EEF2: variants seen among roughly 807,000 people sequenced by gnomAD.
EEF2 encodes the protein elongation factor 2.
A neutral mutation model predicts 85.3 loss-of-function variants in EEF2; 21 were observed. The observed-to-expected ratio is 0.25, with a 90% CI of 0.17 to 0.35. The LOEUF (loss-of-function observed/expected upper bound fraction) is 0.35, where lower values mean the gene tolerates loss of function less well. Ranked by LOEUF, EEF2 falls within the 10% of genes least tolerant of loss-of-function variation. The pLI is 1.00. For synonymous variants in EEF2, 723 were observed against 508.8 expected (o/e 1.42, Z -5.67); for missense variants, 825 against 1,225.3 (o/e 0.67, Z 4.88).
At position 3,977,362 on chromosome 19, in the gene EEF2, AG is replaced by A; in HGVS notation, c.2251-16del. The A allele has an allele frequency of 6.3e-7, 1 of 1,591,282 alleles. No homozygotes were observed. Among genetic ancestry groups the A allele is most frequent in the Non-Finnish European group, 8.6e-7 (1 of 1,169,302 alleles). ...TGCTCTGGACACTGCCAGAAGGGAA[AG>A]AAAACCTGTCAGTGGCCGCTGGGCA... On this transcript the variant is annotated splice_polypyrimidine_tract_variant and intron_variant, in intron 13 of 14. Transcript: ENST00000309311. The surrounding 1 kb of genome is among the most constrained non-coding windows in gnomAD (Gnocchi z 5.4).
chr19:3,978,788 G>A (rs554703525), intron 11 of EEF2, among the ~76,000 whole-genome samples: 5 of 101,230 alleles, frequency 4.9e-5, no homozygotes, highest in African/African-American at 1.9e-4. Flanking sequence ...AAGCAACAGA[G>A]CAAGACTCTT....
rs745636304 is a variant in EEF2, at chr19:3,982,816, G to C, written c.603C>G (p.Gly201=). The change falls in exon 4 of 15, where the codon GGC becomes GGG. Residue 201 remains glycine (G), a synonymous_variant. Coordinates refer to ENST00000309311, the MANE Select transcript of EEF2 (RefSeq NM_001961.4). ...CTAGGGAGGGCCGTACCATGATGTTGCCCATGGGGCCGCTCTCGCCCTCGC... is the reference window on the plus strand; with the variant it reads ...CTAGGGAGGGCCGTACCATGATGTTCCCCATGGGGCCGCTCTCGCCCTCGC... The part of the protein sequence containing the change: ...TYGEGESGPM[G]NIMIDPVLGT... 3.7e-6 allele frequency: 6 copies of C among 1,610,716 alleles called. No homozygotes were observed. Among genetic ancestry groups the C allele is most frequent in the Non-Finnish European group, 4.2e-6 (5 of 1,179,098 alleles).
rs2039687780 is a variant in EEF2, at chr19:3,977,081, A to G, written c.2383+134T>C. 1 of 1,333,292 alleles carries G rather than the reference A, an allele frequency of 7.5e-7. No individual in the cohort carries two copies. The highest frequency in any genetic ancestry group is 1.0e-6 in the Non-Finnish European group (1 of 988,968). 82.6% of individuals were successfully genotyped at this position (1,333,292 alleles called of 1,614,324 possible). On this transcript the variant is annotated intron_variant, in intron 14 of 14. Transcript: ENST00000309311. The surrounding 1 kb of genome is among the most constrained non-coding windows in gnomAD (Gnocchi z 5.4). ...TTTAGGGGGTCCACAAGCTGTCAGA[A>G]ACTGGACCACCTGCTCCATCCATCA...
At chr19:3,981,019 C>T in intron 7 of EEF2, 40 bp from the exon 8 acceptor site, 2 of 1,545,314 alleles carry the variant, frequency 1.3e-6, no homozygotes, top group Non-Finnish European at 8.7e-7. Flanking sequence ...ACCTGGGGAG[C>T]CCAGGATGGC....
Position 3,979,337 on chromosome 19 carries a change from G to T in EEF2, c.1705C>A (p.Pro569Thr). The T allele has an allele frequency of 6.2e-7, 1 of 1,613,862 alleles. No homozygotes were observed. Among genetic ancestry groups the T allele is most frequent in the Middle Eastern group, 1.6e-4 (1 of 6,062 alleles). ...GGTCACTGGCGCCTCACCTTGATGGGGATGCAGGCGTGGTCCTCCTCCAGG... is the reference window on the plus strand; with the variant it reads ...GGTCACTGGCGCCTCACCTTGATGGTGATGCAGGCGTGGTCCTCCTCCAGG... ...KDLEEDHACIPIKKSDPVVSY... is the reference protein window; with the variant it reads ...KDLEEDHACITIKKSDPVVSY... Residue 569 changes from proline (P) to threonine (T), a missense_variant, in exon 11 of 15, where the codon CCC (proline) becomes ACC (threonine). Pro to Thr is a conservative substitution (Grantham distance 38, BLOSUM62 -1). Coordinates refer to ENST00000309311, the MANE Select transcript of EEF2 (RefSeq NM_001961.4).
rs747646980 is a variant in EEF2, at chr19:3,981,907, T to C, written c.897+40A>G. 20 of 1,588,158 alleles carry C rather than the reference T, an allele frequency of 1.3e-5. No individual in the cohort carries two copies. In the African/African-American group the frequency reaches 2.0e-4, roughly 16 times the overall value. ...CGGAGCCCACAGGGCCGAGGGCCAA[T>C]AGTCGCATCGGCGGGGTGCCTGGCG... On this transcript the variant is annotated intron_variant, in intron 6 of 14. Coordinates refer to ENST00000309311, the MANE Select transcript of EEF2 (RefSeq NM_001961.4).
chr19:3,983,318 G>A lies in EEF2; in HGVS notation c.219-27C>T, dbSNP rs774589886. Reference sequence around the variant, plus strand: ...TGATGGAGGGAGGGACTCGTCAGGGGGACAGGAGCCACACACCTGGCCCAG... The same window carrying A: ...TGATGGAGGGAGGGACTCGTCAGGGAGACAGGAGCCACACACCTGGCCCAG... On this transcript the variant is annotated intron_variant, in intron 2 of 14. Coordinates refer to ENST00000309311, the MANE Select transcript of EEF2 (RefSeq NM_001961.4). The A allele has an allele frequency of 2.5e-6, 4 of 1,605,522 alleles. No homozygotes were observed. The South Asian group carries it at 4.4e-5, about 18-fold the overall frequency.
intron 1 of EEF2, 73 bp downstream of exon 1, chr19:3,985,305 C>G (rs1568203864): frequency 3.7e-6 from 5 of 1,346,708 alleles, no homozygotes; most frequent in Non-Finnish European, 4.8e-6. Flanking sequence ...CCCCAGCGTC[C>G]CAGGCTAGGC....
intron 7 of EEF2, 149 bp from the exon 8 acceptor site, chr19:3,981,128 T>C (rs1272365422): frequency 7.5e-7 from 1 of 1,325,880 alleles, no homozygotes; most frequent in Non-Finnish European, 1.0e-6. Context: ...GCAAAGGCCA[T>C]GCACACTCCT....
intron 9 of EEF2, 87 bp from the exon 10 acceptor site, chr19:3,980,153 G>C (rs1599193583): frequency 1.3e-6 from 2 of 1,525,400 alleles, no homozygotes; most frequent in East Asian, 4.6e-5. Context: ...CGGAGTTGGT[G>C]GCCCTCCTGC....
intron 9 of EEF2, 49 bp downstream of exon 9, chr19:3,980,465 C>A (rs369100032): frequency 1.0e-5 from 16 of 1,572,982 alleles, no homozygotes; most frequent in South Asian, 8.1e-5. Flanking sequence ...TGGAGCAGGG[C>A]AGGGCCCGCA....
chr19:3,976,478 T>C lies in EEF2; in HGVS notation c.*76A>G. 1 of 1,509,438 alleles carries C rather than the reference T, an allele frequency of 6.6e-7. No homozygotes were observed. The highest frequency in any genetic ancestry group is 8.9e-7 in the Non-Finnish European group (1 of 1,119,860). The allele number at this position is 1,509,438 out of a possible 1,614,324, so 93.5% of individuals were successfully genotyped here. A position where few individuals can be genotyped will look rare whatever the true frequency, so the allele number is the denominator to read the frequency against. On this transcript the variant is annotated 3_prime_UTR_variant, in exon 15 of 15. Transcript: ENST00000309311. ...GCTGTGTCGGGACAGTCTCCAGGTG[T>C]CGTCTGAGAATTCGAGGACGTGGTG...
At position 3,982,319 on chromosome 19, in the gene EEF2, C is replaced by G. The variant is rs1483533062; in HGVS notation, c.718G>C (p.Gly240Arg). 2 of 1,614,170 alleles carry G rather than the reference C, an allele frequency of 1.2e-6. No homozygotes were observed. The highest frequency in any genetic ancestry group is 1.7e-6 in the Non-Finnish European group (2 of 1,180,026). The change falls in exon 5 of 15, where the codon GGG (glycine) becomes CGG (arginine). Residue 240 changes from glycine (G) to arginine (R), a missense_variant. Coordinates refer to ENST00000309311, the MANE Select transcript of EEF2 (RefSeq NM_001961.4). ...EMYVAKFAAK[G>R]EGQLGPAERA... The stretch of plus-strand genomic sequence containing the variant: ...TCGGCAGGCCCCAACTGGCCCTCCC[C>G]CTTGGCGGCGAACTTGGCCACATAC...
Position 3,977,120 on chromosome 19 carries a change from G to A in EEF2, c.2383+95C>T, listed in dbSNP as rs2039688098. On this transcript the variant is annotated intron_variant, in intron 14 of 14. Coordinates refer to ENST00000309311, the MANE Select transcript of EEF2 (RefSeq NM_001961.4). This position sits in a 1 kb window ranked among gnomAD's most constrained non-coding sequence, Gnocchi z 5.4. ...CTCCATCCATCACCTGCTCCCATCA[G>A]GACGCCTCCTTTAACACCTTGCTAA... The A allele has an allele frequency of 2.0e-6, 3 of 1,527,518 alleles. No homozygotes were observed. Among genetic ancestry groups the A allele is most frequent in the South Asian group, 1.2e-5 (1 of 80,994 alleles). The allele number at this position is 1,527,518 out of a possible 1,614,324, so 94.6% of individuals were successfully genotyped here.
rs1568202356 is a variant in EEF2 at position 3,982,962 on chromosome 19, G to C, written c.457C>G (p.Pro153Ala). ...LRQAIAERIKPVLMMNKMDRA... is the reference protein window; with the variant it reads ...LRQAIAERIKAVLMMNKMDRA... The stretch of plus-strand genomic sequence containing the variant: ...TCCATCTTGTTCATCATCAGCACAG[G>C]CTTGATGCGCTCGGCAATGGCCTGC... The change falls in exon 4 of 15, where the codon CCT (proline) becomes GCT (alanine). Residue 153 changes from proline to alanine, a missense_variant. By Grantham distance (27) the Pro-to-Ala change is conservative. Coordinates refer to ENST00000309311, the MANE Select transcript of EEF2 (RefSeq NM_001961.4). The C allele has an allele frequency of 6.2e-7, 1 of 1,612,866 alleles. No homozygotes were observed. Among genetic ancestry groups the C allele is most frequent in the East Asian group, 2.2e-5 (1 of 44,858 alleles).
chr19:3,980,057 C>T lies in EEF2; in HGVS notation c.1356G>A (p.Leu452=), dbSNP rs765014290. The T allele has an allele frequency of 6.6e-5, 107 of 1,612,758 alleles. No homozygotes were observed. Among genetic ancestry groups the T allele is most frequent in the Non-Finnish European group, 8.5e-5 (100 of 1,179,720 alleles). ...LYLKPIQRTI[L]MMGRYVEPIE... ...TGGGCTCCACGTAGCGGCCCATCATCAAGATTGTTCTGGAAGAAGCAGAAG... is the reference window on the plus strand; with the variant it reads ...TGGGCTCCACGTAGCGGCCCATCATTAAGATTGTTCTGGAAGAAGCAGAAG... Residue 452 remains leucine, a synonymous_variant, in exon 10 of 15, where the codon TTG becomes TTA. Transcript: ENST00000309311.
chr19:3,976,319 C>T lies in EEF2; in HGVS notation c.*235G>A. On this transcript the variant is annotated 3_prime_UTR_variant, in exon 15 of 15. Transcript: ENST00000309311. Reference sequence around the variant, plus strand: ...ATCCCGCCTCCCCCTCCCCGACCGGCCCATTAAGTCCCTACTAAGAGGGCG... The same window carrying T: ...ATCCCGCCTCCCCCTCCCCGACCGGTCCATTAAGTCCCTACTAAGAGGGCG... 3.0e-6 allele frequency: 1 copy of T among 338,902 alleles called. No individual in the cohort carries two copies. The highest frequency in any genetic ancestry group is 3.3e-5 in the South Asian group (1 of 30,606). 21.0% of individuals were successfully genotyped at this position (338,902 alleles called of 1,614,324 possible).
intron 11 of EEF2, among the ~76,000 whole-genome samples, chr19:3,978,825 A>AT (rs2039708860): frequency 2.9e-5 from 4 of 137,442 alleles, no homozygotes; most frequent in Non-Finnish European, 4.6e-5. Flanking sequence ...AAAAAAAAAA[A>AT]AAAAAATAGC....
rs938577398 is a variant in EEF2, at chr19:3,976,409, G to C, written c.*145C>G. 1.2e-6 allele frequency: 1 copy of C among 837,260 alleles called. No individual in the cohort carries two copies. Among genetic ancestry groups the C allele is most frequent in the African/African-American group, 1.7e-5 (1 of 57,854 alleles). The allele number at this position is 837,260 out of a possible 1,614,324, so 51.9% of individuals were successfully genotyped here. A position where few individuals can be genotyped will look rare whatever the true frequency, so the allele number is the denominator to read the frequency against. ...AAACGGCATCAAGTGTTATGGTTGA[G>C]TGATGGCACGCAGCGGGCCCCAGAA... On this transcript the variant is annotated 3_prime_UTR_variant, in exon 15 of 15. Coordinates refer to ENST00000309311, the MANE Select transcript of EEF2 (RefSeq NM_001961.4).
Sources: allele counts gnomAD v4.1 joint callset (sites outside exome capture counted in the v4.1 genomes callset), GRCh38; gene constraint gnomAD v4.1.1; non-coding constraint Gnocchi (gnomAD v3.1); transcripts MANE v1.5; gene names NCBI Gene and HGNC (gene_info 2026-07-23, HGNC 2026-07-21).